CAMK4: variants seen among roughly 807,000 people sequenced by gnomAD.
CAMK4 encodes calcium/calmodulin-dependent protein kinase type IV.
A neutral mutation model predicts 44.9 loss-of-function variants in CAMK4; 22 were observed. The ratio of observed to expected loss-of-function variants is 0.49; its 90% CI spans 0.35 to 0.70. The LOEUF is 0.70. Among genes scored for constraint, CAMK4 ranks in the 30% least tolerant of loss-of-function variants. CAMK4 has a pLI of 0.01. For synonymous variants in CAMK4, 218 were observed against 215.4 expected, an observed-to-expected ratio of 1.01 and a Z score of -0.11; for missense variants, 498 against 586.8, an observed-to-expected ratio of 0.85 and a Z score of 1.56.
intron 1 of CAMK4, among the ~76,000 whole-genome samples, chr5:111,274,225 C>T: frequency 6.6e-6 from 1 of 152,080 alleles, no homozygotes; most frequent in East Asian, 1.9e-4. Context: ...CCTTGATGTT[C>T]CTCTCCAATT....
intron 1 of CAMK4, among the ~76,000 whole-genome samples, chr5:111,312,843 T>G (rs1227449786): frequency 2.0e-5 from 3 of 152,166 alleles, no homozygotes; most frequent in Admixed American, 2.0e-4. Context: ...GGACAATCTT[T>G]GGAGCATTGG....
At chr5:111,309,584 C>T (rs1448984740) in intron 1 of CAMK4, among the ~76,000 whole-genome samples, 1 of 152,134 alleles carries the variant, frequency 6.6e-6, no homozygotes, top group Non-Finnish European at 1.5e-5. Context: ...ATCCATTTTA[C>T]TGCCTGCTTA....
At chr5:111,283,956 G>A (rs1042559977) in intron 1 of CAMK4, among the ~76,000 whole-genome samples, 1 of 152,106 alleles carries the variant, frequency 6.6e-6, no homozygotes. Context: ...CATTTTATGT[G>A]AATTGTGTCC....
At chr5:111,285,940 C>T (rs1751222591) in intron 1 of CAMK4, among the ~76,000 whole-genome samples, 1 of 152,192 alleles carries the variant, frequency 6.6e-6, no homozygotes, top group South Asian at 2.1e-4. Flanking sequence ...CCCTTCATTA[C>T]TCATAGACTT....
intron 5 of CAMK4, among the ~76,000 whole-genome samples, chr5:111,434,592 A>G (rs1753582441): frequency 1.3e-5 from 2 of 152,196 alleles, no homozygotes; most frequent in Non-Finnish European, 2.9e-5. Flanking sequence ...AGGCCTGTTG[A>G]GCTGGTCATG....
chr5:111,225,112 ATTAAAC>A (rs1748123355), intron 1 of CAMK4, among the ~76,000 whole-genome samples: 1 of 152,216 alleles, frequency 6.6e-6, no homozygotes. Flanking sequence ...GACACGAGAA[ATTAAAC>A]TTAAATACTA....
intron 9 of CAMK4, among the ~76,000 whole-genome samples, chr5:111,480,704 G>A (rs776472665): frequency 6.6e-6 from 1 of 152,060 alleles, no homozygotes; most frequent in African/African-American, 2.4e-5. Flanking sequence ...TCTCATCTAG[G>A]ATGATAATTG....
At chr5:111,309,946 A>T (rs1428679471) in intron 1 of CAMK4, among the ~76,000 whole-genome samples, 1 of 152,204 alleles carries the variant, frequency 6.6e-6, no homozygotes, top group Non-Finnish European at 1.5e-5. Context: ...TATCTCACAC[A>T]TGCTTCAGAA....
At chr5:111,241,322 T>A (rs926926197) in intron 1 of CAMK4, among the ~76,000 whole-genome samples, 1 of 152,156 alleles carries the variant, frequency 6.6e-6, no homozygotes, top group Non-Finnish European at 1.5e-5. Flanking sequence ...ACTGGACAAG[T>A]ATCCTGTGGA....
At chr5:111,225,489 T>C (rs995879597) in intron 1 of CAMK4, among the ~76,000 whole-genome samples, 6 of 152,182 alleles carry the variant, frequency 3.9e-5, no homozygotes, top group African/African-American at 1.4e-4. Context: ...CTCTCTGTTA[T>C]CCATAGGTAA....
rs1000539097 is a variant in CAMK4 at position 111,482,179 on chromosome 5, T to G, written c.829-606T>G. ...AAGAATGGGCTGCCATTGATTGGAT[T>G]CCATTCTTTAGGCAAATCATGCCCT... On this transcript the variant is annotated intron_variant, in intron 9 of 10. Coordinates refer to ENST00000282356, the MANE Select transcript of CAMK4 (RefSeq NM_001744.6). This position sits in a 1 kb window ranked among gnomAD's most constrained non-coding sequence, Gnocchi z 4.9. The G allele has an allele frequency of 1.3e-5, 2 of 152,218 alleles. No homozygotes were observed. The highest frequency in any genetic ancestry group is 4.8e-5 in the African/African-American group (2 of 41,448). 9.4% of individuals were successfully genotyped at this position (152,218 alleles called of 1,614,324 possible).
intron 9 of CAMK4, among the ~76,000 whole-genome samples, chr5:111,480,874 T>G (rs767059877): frequency 6.6e-6 from 1 of 152,198 alleles, no homozygotes; most frequent in Non-Finnish European, 1.5e-5. Context: ...TGATGTTCCT[T>G]CATTCAGCTA....
intron 1 of CAMK4, among the ~76,000 whole-genome samples, chr5:111,330,194 A>G (rs1052177069): frequency 6.6e-6 from 1 of 151,506 alleles, no homozygotes; most frequent in Non-Finnish European, 1.5e-5. Flanking sequence ...AGTTGTATTT[A>G]TATATATTAG....
chr5:111,483,322 T>C (rs1218823577), intron 10 of CAMK4, among the ~76,000 whole-genome samples: 2 of 152,148 alleles, frequency 1.3e-5, no homozygotes, highest in African/African-American at 4.8e-5. Context: ...AAACTATATT[T>C]CCTAATATAG....
intron 1 of CAMK4, among the ~76,000 whole-genome samples, chr5:111,312,747 G>C (rs1053067781): frequency 6.6e-6 from 1 of 152,152 alleles, no homozygotes; most frequent in Admixed American, 6.6e-5. Flanking sequence ...TTAAAATACA[G>C]AGTAGGAATG....
chr5:111,318,527 G>A (rs73786894), intron 1 of CAMK4, among the ~76,000 whole-genome samples: 3,375 of 152,210 alleles, frequency 0.022, 131 homozygotes, highest in African/African-American at 0.076. Context: ...GGGGTGGAAG[G>A]TGGGGTTGGA....
chr5:111,338,677 A>C lies in CAMK4; in HGVS notation c.162-5347A>C, dbSNP rs143142358. Reference sequence around the variant, plus strand: ...AGGGAGGGTCCAGTTTCTTCTCCATATAGCTAGCCAGCTATCCTAGCACCA... The same window carrying C: ...AGGGAGGGTCCAGTTTCTTCTCCATCTAGCTAGCCAGCTATCCTAGCACCA... On this transcript the variant is annotated intron_variant, in intron 1 of 10. Coordinates refer to ENST00000282356, the MANE Select transcript of CAMK4 (RefSeq NM_001744.6). Among the ~76,000 whole-genome samples, 14 of 151,396 alleles carry C rather than the reference A, an allele frequency of 9.2e-5. No homozygotes were observed. In the East Asian group the frequency reaches 2.0e-3, roughly 21 times the overall value.
chr5:111,459,321 A>G (rs1754551058), intron 7 of CAMK4, among the ~76,000 whole-genome samples: 1 of 152,210 alleles, frequency 6.6e-6, no homozygotes, highest in African/African-American at 2.4e-5. Flanking sequence ...TATACAAGAC[A>G]ACATTCTAAC....
chr5:111,441,339 A>C (rs1033520004), intron 5 of CAMK4, among the ~76,000 whole-genome samples: 4 of 152,152 alleles, frequency 2.6e-5, no homozygotes, highest in Non-Finnish European at 5.9e-5. Context: ...TATGCTTTTT[A>C]AAAATATAAC....
Sources: allele counts gnomAD v4.1 joint callset (sites outside exome capture counted in the v4.1 genomes callset), GRCh38; gene constraint gnomAD v4.1.1; non-coding constraint Gnocchi (gnomAD v3.1); transcripts MANE v1.5; gene names NCBI Gene and HGNC (gene_info 2026-07-23, HGNC 2026-07-21).